STAG1: variants seen among roughly 807,000 people sequenced by gnomAD.
STAG1 encodes STAG1 cohesin complex component.
Under a neutral mutation model 170.9 loss-of-function variants are expected in STAG1, and 26 were observed. The ratio of observed to expected loss-of-function variants is 0.15; its 90% CI spans 0.11 to 0.21. The LOEUF (loss-of-function observed/expected upper bound fraction) is 0.21, where lower values mean the gene tolerates loss of function less well. Among genes scored for constraint, STAG1 ranks in the 10% least tolerant of loss-of-function variants. STAG1 has a pLI of 1.00. For synonymous variants in STAG1, 514 were observed against 497.7 expected (o/e 1.03, Z -0.44); for missense variants, 964 against 1,509.5 (o/e 0.64, Z 5.99).
intron 13 of STAG1, among the ~76,000 whole-genome samples, chr3:136,458,870 G>C (rs1238742646): frequency 2.6e-5 from 4 of 152,148 alleles, no homozygotes; most frequent in Non-Finnish European, 5.9e-5. Flanking sequence ...AAATGTAACA[G>C]AAGTGGATAT....
rs2090088827 is a variant in STAG1, at chr3:136,489,852, G to A, written c.902+10371C>T. 3.9e-5 allele frequency among the ~76,000 whole-genome samples: 6 copies of A among 152,076 alleles called. No homozygotes were observed. The South Asian group carries it at 1.2e-3, about 32-fold the overall frequency. On this transcript the variant is annotated intron_variant, in intron 9 of 33. Transcript: ENST00000383202. ...TTAGCGAGTGCTGAAAGTTAGTAAA[G>A]AGTGTTACAGAGAACACAGAAGCAC...
At chr3:136,671,136 T>C (rs1941967681) in intron 1 of STAG1, among the ~76,000 whole-genome samples, 1 of 152,024 alleles carries the variant, frequency 6.6e-6, no homozygotes, top group Admixed American at 6.6e-5. Flanking sequence ...AATACAAAAA[T>C]TAGCTGGGCA....
chr3:136,491,242 T>C (rs1289015392), intron 9 of STAG1, among the ~76,000 whole-genome samples: 1 of 152,124 alleles, frequency 6.6e-6, no homozygotes, highest in African/African-American at 2.4e-5. Context: ...CTCATCCTCC[T>C]GTGTAGCTGG....
chr3:136,469,516 T>C (rs1015500829), intron 12 of STAG1, among the ~76,000 whole-genome samples: 8 of 152,234 alleles, frequency 5.3e-5, no homozygotes, highest in African/African-American at 1.9e-4. Flanking sequence ...CATTCCATGC[T>C]CATGGATAGG....
At chr3:136,527,933 T>A (rs992152441) in intron 6 of STAG1, among the ~76,000 whole-genome samples, 5 of 152,186 alleles carry the variant, frequency 3.3e-5, no homozygotes, top group South Asian at 2.1e-4. Context: ...GCCACCTGAT[T>A]GTTCCTCGGG....
intron 1 of STAG1, among the ~76,000 whole-genome samples, chr3:136,649,824 G>C (rs1411682767): frequency 6.6e-6 from 1 of 151,768 alleles, no homozygotes; most frequent in East Asian, 2.0e-4. Flanking sequence ...CTGGAGTGCA[G>C]TGGCACAATC....
intron 12 of STAG1, among the ~76,000 whole-genome samples, chr3:136,468,504 G>A (rs1167113903): frequency 2.0e-5 from 3 of 152,130 alleles, no homozygotes; most frequent in African/African-American, 7.2e-5. Flanking sequence ...CTGAAATTGA[G>A]ACAATACTTA....
rs115383407 is a variant in STAG1 at position 136,657,042 on chromosome 3, A to G, written c.-83-26061T>C. ...AAAAGAAACAATGTCCTATAAATGG[A>G]GAGCAATTACTTGTGAATATTTTTT... is the stretch of plus-strand genomic sequence containing the variant. On this transcript the variant is annotated intron_variant, in intron 1 of 33. Transcript: ENST00000383202. Among the ~76,000 whole-genome samples, 165 of 152,072 alleles carry G rather than the reference A, an allele frequency of 1.1e-3. 1 individual carries two copies. Among genetic ancestry groups the G allele is most frequent in the African/African-American group, 3.3e-3 (139 of 41,530 alleles).
chr3:136,390,560 A>C (rs1262938440), intron 22 of STAG1, among the ~76,000 whole-genome samples: 1 of 152,256 alleles, frequency 6.6e-6, no homozygotes, highest in Non-Finnish European at 1.5e-5. Context: ...GGAAAGGCTT[A>C]GAACTAACTA....
At chr3:136,541,567 C>T (rs1205670168) in intron 6 of STAG1, among the ~76,000 whole-genome samples, 6 of 151,616 alleles carry the variant, frequency 4.0e-5, no homozygotes, top group Non-Finnish European at 5.9e-5. Context: ...CACACACACA[C>T]ACACACACAC....
chr3:136,468,994 A>G (rs890329215), intron 12 of STAG1, among the ~76,000 whole-genome samples: 3 of 152,194 alleles, frequency 2.0e-5, no homozygotes, highest in East Asian at 1.9e-4. Flanking sequence ...TCTCAAAATA[A>G]TAAGAGCTAT....
intron 7 of STAG1, among the ~76,000 whole-genome samples, chr3:136,520,800 G>C (rs183122629): frequency 6.6e-6 from 1 of 152,050 alleles, no homozygotes; most frequent in Non-Finnish European, 1.5e-5. Context: ...ATTGTTTCAA[G>C]TATATAAACA....
At chr3:136,413,572 ACT>A in intron 21 of STAG1, among the ~76,000 whole-genome samples, 1 of 151,604 alleles carries the variant, frequency 6.6e-6, no homozygotes, top group Non-Finnish European at 1.5e-5. Context: ...GATTCTCCTG[ACT>A]CAGCCTCCCG....
At chr3:136,676,709 CA>C (rs1447841245) in intron 1 of STAG1, among the ~76,000 whole-genome samples, 1 of 152,104 alleles carries the variant, frequency 6.6e-6, no homozygotes, top group Non-Finnish European at 1.5e-5. Context: ...CTAAGCCTCC[CA>C]AAGGGCTGGG....
intron 1 of STAG1, among the ~76,000 whole-genome samples, chr3:136,751,762 C>G (rs928289574): frequency 4.6e-5 from 7 of 151,588 alleles, no homozygotes; most frequent in African/African-American, 7.3e-5. Flanking sequence ...CGCCAGCCCG[C>G]GTCGGCCCGG....
At chr3:136,547,787 A>C (rs190861473) in intron 5 of STAG1, among the ~76,000 whole-genome samples, 1 of 152,290 alleles carries the variant, frequency 6.6e-6, no homozygotes, top group East Asian at 1.9e-4. Flanking sequence ...ATTCATTGCC[A>C]AGACCAATGT....
chr3:136,483,916 G>GT (rs1244570059), intron 9 of STAG1, among the ~76,000 whole-genome samples: 1 of 9,488 alleles, frequency 1.1e-4, no homozygotes, highest in African/African-American at 4.6e-4. Flanking sequence ...TCGAGCCTTG[G>GT]TTTTCAGCTC....
At position 136,577,839 on chromosome 3, in the gene STAG1, T is replaced by C. The variant is rs147999007; in HGVS notation, c.298-8978A>G. 9.8e-5 allele frequency among the ~76,000 whole-genome samples: 15 copies of C among 152,334 alleles called. No individual in the cohort carries two copies. In the East Asian group the frequency reaches 2.5e-3, roughly 25 times the overall value. On this transcript the variant is annotated intron_variant, in intron 4 of 33. Transcript: ENST00000383202. ...ATAAAACCATAACACGCCAAATTCA[T>C]TGGTATCAGGCGCACTTACTAGAGA...
chr3:136,724,012 C>T (rs975529661), intron 1 of STAG1, among the ~76,000 whole-genome samples: 8 of 150,716 alleles, frequency 5.3e-5, no homozygotes, highest in Admixed American at 5.3e-4. Flanking sequence ...CCAGCCGCCC[C>T]GTCCGGGAGG....
Sources: allele counts gnomAD v4.1 joint callset (sites outside exome capture counted in the v4.1 genomes callset), GRCh38; gene constraint gnomAD v4.1.1; transcripts MANE v1.5; gene names NCBI Gene and HGNC (gene_info 2026-07-23, HGNC 2026-07-21).